The following SBF2 variants were observed in gnomAD, a reference collection of about 807,000 sequenced individuals.
SBF2 encodes SET binding factor 2, also known as myotubularin-related protein 13.
SBF2 carries 112 observed loss-of-function variants against 225.2 expected under a neutral mutation model. The observed-to-expected ratio is 0.50, with a 90% CI of 0.43 to 0.58. SBF2 has a LOEUF of 0.58. SBF2 is among the 20% of genes least tolerant of loss of function. The pLI is 0.00. For missense variants in SBF2, 1,996 were observed against 2,206.2 expected, an observed-to-expected ratio of 0.90 and a Z score of 1.91; for synonymous variants, 763 against 773.3, an observed-to-expected ratio of 0.99 and a Z score of 0.22.
intron 2 of SBF2, among the ~76,000 whole-genome samples, chr11:10,191,651 G>A (rs532204553): frequency 2.0e-5 from 3 of 152,234 alleles, no homozygotes; most frequent in East Asian, 3.9e-4. Flanking sequence ...ATCTTAGGGA[G>A]GAAAAGTTCT....
At chr11:10,273,266 A>C (rs938885396) in intron 1 of SBF2, among the ~76,000 whole-genome samples, 1 of 152,234 alleles carries the variant, frequency 6.6e-6, no homozygotes, top group South Asian at 2.1e-4. Context: ...ACAAGCTTTC[A>C]GAAATCATTA....
intron 13 of SBF2, among the ~76,000 whole-genome samples, chr11:9,970,501 T>C (rs1867262854): frequency 6.6e-6 from 1 of 152,140 alleles, no homozygotes; most frequent in African/African-American, 2.4e-5. Flanking sequence ...CCAACTGCCA[T>C]CACTTCTTAG....
chr11:10,226,436 C>A (rs759319832), intron 1 of SBF2, among the ~76,000 whole-genome samples: 2 of 151,776 alleles, frequency 1.3e-5, no homozygotes, highest in South Asian at 2.1e-4. Flanking sequence ...CCCATCAACT[C>A]GTCATTTAGC....
chr11:10,248,492 T>C (rs1379224559), intron 1 of SBF2, among the ~76,000 whole-genome samples: 3 of 152,214 alleles, frequency 2.0e-5, no homozygotes, highest in African/African-American at 7.2e-5. Context: ...TCAGACCTTA[T>C]CTTCATTTCT....
Position 10,028,485 on chromosome 11 carries a change from C to T in SBF2, c.586G>A (p.Gly196Ser), listed in dbSNP as rs150725040. 2.0e-5 allele frequency: 32 copies of T among 1,613,088 alleles called. No homozygotes were observed. The highest frequency in any genetic ancestry group is 2.5e-5 in the Non-Finnish European group (30 of 1,179,340). ...TGGAACAGGAGAGCCACACTAGTGC[C>T]CGTGATAGGAAGACTATCATGTAAA... ...TPLHDSLPIT[G>S]TSVALLFQQL... Residue 196 changes from glycine (G) to serine (S), a missense_variant, in exon 6 of 40, where the codon GGC becomes AGC. By Grantham distance (56) the Gly-to-Ser change is moderately conservative (BLOSUM62 0). Transcript: ENST00000256190.
At chr11:9,830,616 TGTAATCCCAG>T (rs1247413708) in intron 27 of SBF2, among the ~76,000 whole-genome samples, 1 of 151,230 alleles carries the variant, frequency 6.6e-6, no homozygotes, top group Non-Finnish European at 1.5e-5. Flanking sequence ...GGCGGGCGCC[TGTAATCCCAG>T]CTACTCGGGA....
intron 1 of SBF2, among the ~76,000 whole-genome samples, chr11:10,220,867 T>C (rs1565368890): frequency 6.6e-6 from 1 of 152,154 alleles, no homozygotes; most frequent in Non-Finnish European, 1.5e-5. Flanking sequence ...ATATTTGTGT[T>C]CTTCTCTCTT....
intron 2 of SBF2, among the ~76,000 whole-genome samples, chr11:10,099,637 T>C (rs1188802681): frequency 1.3e-5 from 2 of 152,202 alleles, no homozygotes; most frequent in South Asian, 2.1e-4. Flanking sequence ...AAAGTGACTA[T>C]AGCCATAATA....
intron 32 of SBF2, among the ~76,000 whole-genome samples, chr11:9,804,983 G>A (rs1201278350): frequency 3.9e-5 from 6 of 152,050 alleles, no homozygotes; most frequent in Admixed American, 1.3e-4. Flanking sequence ...GGTGGCTCAC[G>A]CCTGTAATCC....
At chr11:10,256,756 A>G (rs543038391) in intron 1 of SBF2, among the ~76,000 whole-genome samples, 6 of 152,118 alleles carry the variant, frequency 3.9e-5, no homozygotes, top group African/African-American at 1.4e-4. Context: ...CAGCAATCTC[A>G]TCTCACACCA....
intron 6 of SBF2, among the ~76,000 whole-genome samples, chr11:10,006,450 C>T (rs951255513): frequency 6.6e-6 from 1 of 152,136 alleles, no homozygotes; most frequent in Non-Finnish European, 1.5e-5. Context: ...CTGAGTTTTC[C>T]GGTGGCTTTT....
At chr11:9,851,215 C>T (rs1447434891) in intron 21 of SBF2, among the ~76,000 whole-genome samples, 1 of 149,598 alleles carries the variant, frequency 6.7e-6, no homozygotes, top group Non-Finnish European at 1.5e-5. Context: ...CCAGAATGTA[C>T]ATTATAATCC....
At chr11:10,025,904 C>T (rs983387329) in intron 6 of SBF2, among the ~76,000 whole-genome samples, 1 of 151,954 alleles carries the variant, frequency 6.6e-6, no homozygotes, top group Admixed American at 6.6e-5. Flanking sequence ...CCTGGTCTAG[C>T]GGATGTTCTT....
Position 10,294,197 on chromosome 11 carries a change from G to C in SBF2, c.-128C>G. The C allele has an allele frequency of 7.3e-6, 5 of 685,264 alleles. No homozygotes were observed. Among genetic ancestry groups the C allele is most frequent in the Non-Finnish European group, 1.0e-5 (5 of 489,356 alleles). 42.4% of individuals were successfully genotyped at this position (685,264 alleles called of 1,614,324 possible). On this transcript the variant is annotated 5_prime_UTR_variant, in exon 1 of 40. Transcript: ENST00000256190. ...GCGGCAGCGGCAGCGCTTCAGCCATGTTTGACAACCGAGGCGCGCTCTGCG... is the reference window on the plus strand; with the variant it reads ...GCGGCAGCGGCAGCGCTTCAGCCATCTTTGACAACCGAGGCGCGCTCTGCG...
At chr11:10,178,789 T>C (rs985124830) in intron 2 of SBF2, among the ~76,000 whole-genome samples, 9 of 147,528 alleles carry the variant, frequency 6.1e-5, no homozygotes, top group Admixed American at 1.4e-4. Flanking sequence ...AGTGTGGCGA[T>C]TCCTCAGGGA....
At chr11:10,095,839 T>C (rs1258645227) in intron 2 of SBF2, among the ~76,000 whole-genome samples, 2 of 152,150 alleles carry the variant, frequency 1.3e-5, no homozygotes, top group Non-Finnish European at 2.9e-5. Context: ...TATTACACAG[T>C]TGAGCAAAAT....
intron 2 of SBF2, chr11:10,044,545 C>T (rs1355737915): frequency 9.2e-6 from 2 of 216,716 alleles, no homozygotes; most frequent in South Asian, 7.1e-5. Context: ...CACCACCAGA[C>T]TGGGAAGCAA....
chr11:9,926,054 G>A (rs1864015857), intron 16 of SBF2, among the ~76,000 whole-genome samples: 1 of 152,234 alleles, frequency 6.6e-6, no homozygotes, highest in South Asian at 2.1e-4. Flanking sequence ...AGACTGATAT[G>A]TGGATCTTTC....
At chr11:10,052,206 G>A (rs1460175891) in intron 2 of SBF2, among the ~76,000 whole-genome samples, 5 of 150,504 alleles carry the variant, frequency 3.3e-5, no homozygotes, top group African/African-American at 2.4e-5. Flanking sequence ...GTTTAGAATC[G>A]ACTGTCATAA....
Sources: gnomAD v4.1 joint callset for allele counts (sites outside exome capture counted in the v4.1 genomes callset) on GRCh38, gnomAD v4.1.1 for gene constraint, MANE v1.5 for transcripts, NCBI Gene and HGNC (gene_info 2026-07-23, HGNC 2026-07-21) for gene names.